Variants in CTNNBL1 observed in about 807,000 individuals in gnomAD.
CTNNBL1 encodes catenin beta like 1.
A neutral mutation model predicts 72.7 loss-of-function variants in CTNNBL1; 31 were observed. The ratio of observed to expected loss-of-function variants is 0.43; its 90% CI spans 0.32 to 0.58. The LOEUF (loss-of-function observed/expected upper bound fraction) is 0.58. Among genes scored for constraint, CTNNBL1 ranks in the 20% least tolerant of loss-of-function variants. The pLI is 0.08. For synonymous variants in CTNNBL1, 240 were observed against 267.3 expected (o/e 0.90, Z 1.00); for missense variants, 534 against 725.1 (o/e 0.74, Z 3.03).
chr20:37,835,016 T>G (rs1361808430), intron 11 of CTNNBL1, among the ~76,000 whole-genome samples: 1 of 152,246 alleles, frequency 6.6e-6, no homozygotes, highest in Non-Finnish European at 1.5e-5. Flanking sequence ...GGAACCTATT[T>G]GCAACATATT....
At chr20:37,758,033 CTA>C (rs1347681515) in intron 5 of CTNNBL1, among the ~76,000 whole-genome samples, 4 of 152,348 alleles carry the variant, frequency 2.6e-5, no homozygotes, top group East Asian at 1.9e-4. Context: ...CTCCTAGACT[CTA>C]TGTTTTCTGC....
At chr20:37,864,666 G>A (rs1436932408) in intron 15 of CTNNBL1, among the ~76,000 whole-genome samples, 2 of 152,212 alleles carry the variant, frequency 1.3e-5, no homozygotes, top group Non-Finnish European at 2.9e-5. Context: ...GTGGTCTGAG[G>A]ACTGAGACGG....
At chr20:37,695,284 A>C (rs1044726239) in intron 1 of CTNNBL1, among the ~76,000 whole-genome samples, 9 of 152,180 alleles carry the variant, frequency 5.9e-5, no homozygotes, top group African/African-American at 2.2e-4. Flanking sequence ...CATTGCTCAC[A>C]GTAGCCTTAA....
intron 10 of CTNNBL1, among the ~76,000 whole-genome samples, chr20:37,787,133 T>G (rs1453121868): frequency 6.6e-6 from 1 of 151,936 alleles, no homozygotes; most frequent in African/African-American, 2.4e-5. Flanking sequence ...CATTTTTTTT[T>G]TTTTTAAGAG....
chr20:37,761,486 A>G (rs1415979088), intron 5 of CTNNBL1, among the ~76,000 whole-genome samples: 1 of 152,184 alleles, frequency 6.6e-6, no homozygotes, highest in Non-Finnish European at 1.5e-5. Context: ...AAATTCCTGG[A>G]TTCTATTCCT....
At chr20:37,775,084 A>G (rs1211654812) in intron 7 of CTNNBL1, among the ~76,000 whole-genome samples, 1 of 152,182 alleles carries the variant, frequency 6.6e-6, no homozygotes, top group Non-Finnish European at 1.5e-5. Flanking sequence ...GCCAAAAAGT[A>G]CCTAATAGTC....
chr20:37,702,940 A>C (rs554462878), intron 1 of CTNNBL1, among the ~76,000 whole-genome samples: 1 of 152,176 alleles, frequency 6.6e-6, no homozygotes, highest in Non-Finnish European at 1.5e-5. Flanking sequence ...TTGTTCTACT[A>C]TCTTGTTAGC....
chr20:37,809,101 CA>C (rs2071986429), intron 11 of CTNNBL1, among the ~76,000 whole-genome samples: 1 of 152,044 alleles, frequency 6.6e-6, no homozygotes, highest in Admixed American at 6.6e-5. Flanking sequence ...CATGTCCTCT[CA>C]AAGTTACCAC....
At chr20:37,765,983 A>G (rs1428109873) in intron 6 of CTNNBL1, among the ~76,000 whole-genome samples, 1 of 152,208 alleles carries the variant, frequency 6.6e-6, no homozygotes, top group African/African-American at 2.4e-5. Flanking sequence ...CAGAGATGAC[A>G]TATCTGTAAA....
At chr20:37,782,672 A>G (rs1284804511) in intron 10 of CTNNBL1, among the ~76,000 whole-genome samples, 1 of 152,218 alleles carries the variant, frequency 6.6e-6, no homozygotes, top group African/African-American at 2.4e-5. Flanking sequence ...ACATGTAATC[A>G]ATATGACAAA....
rs2073142107 is a variant in CTNNBL1, at chr20:37,732,930, A to G, written c.82A>G (p.Met28Val). ...PRDDEEEEQK[M>V]RRKQTGTRER... ...GGATGATGAAGAGGAGGAGCAGAAG[A>G]TGCGTCGGAAACAAACTGGTACTCG... is the stretch of plus-strand genomic sequence containing the variant. The change falls in exon 2 of 16, where the codon ATG (methionine) becomes GTG (valine). Residue 28 changes from methionine to valine, a missense_variant. Transcript: ENST00000361383. The G allele has an allele frequency of 2.5e-6, 4 of 1,614,068 alleles. No homozygotes were observed. The highest frequency in any genetic ancestry group is 3.4e-6 in the Non-Finnish European group (4 of 1,180,024).
intron 5 of CTNNBL1, among the ~76,000 whole-genome samples, chr20:37,761,584 A>G (rs533497580): frequency 3.3e-5 from 5 of 152,354 alleles, no homozygotes; most frequent in Admixed American, 2.0e-4. Context: ...TGTTTATTGA[A>G]TGCTTGATGT....
intron 9 of CTNNBL1, among the ~76,000 whole-genome samples, chr20:37,778,509 A>G (rs1179584870): frequency 1.3e-5 from 2 of 152,128 alleles, no homozygotes; most frequent in Non-Finnish European, 2.9e-5. Flanking sequence ...GAGATTATTG[A>G]TCTTCTTGTA....
chr20:37,801,569 T>C (rs1488584742), intron 10 of CTNNBL1, among the ~76,000 whole-genome samples: 1 of 152,198 alleles, frequency 6.6e-6, no homozygotes, highest in Non-Finnish European at 1.5e-5. Context: ...GTTTATGTTT[T>C]TTAATTCTAT....
chr20:37,870,499 A>C (rs1350709351), intron 15 of CTNNBL1, among the ~76,000 whole-genome samples: 1 of 152,024 alleles, frequency 6.6e-6, no homozygotes, highest in African/African-American at 2.4e-5. Context: ...TGCAACATCC[A>C]TATCTCTTTC....
At chr20:37,708,672 A>G (rs2072911183) in intron 1 of CTNNBL1, among the ~76,000 whole-genome samples, 1 of 152,200 alleles carries the variant, frequency 6.6e-6, no homozygotes, top group African/African-American at 2.4e-5. Flanking sequence ...AATGGAAATT[A>G]GCTTTTCTTC....
intron 15 of CTNNBL1, among the ~76,000 whole-genome samples, chr20:37,867,552 G>A (rs1402945114): frequency 6.6e-6 from 1 of 152,156 alleles, no homozygotes; most frequent in African/African-American, 2.4e-5. Context: ...TATTATAAGA[G>A]CATTTGAAAA....
rs370837089 is a variant in CTNNBL1, at chr20:37,777,425, G to A, written c.823+8G>A. 19 of 1,612,218 alleles carry A rather than the reference G, an allele frequency of 1.2e-5. 1 individual carries two copies. In the South Asian group the frequency reaches 1.5e-4, roughly 13 times the overall value. The stretch of plus-strand genomic sequence containing the variant: ...TGCTCCAGGACAATGATGGTGAGGC[G>A]CCCTCTCAGTATTGATATTCTGTTA... On this transcript the variant is annotated splice_region_variant and intron_variant, in intron 8 of 15. Transcript: ENST00000361383.
chr20:37,806,990 A>G (rs1303528222), intron 11 of CTNNBL1, among the ~76,000 whole-genome samples: 1 of 152,072 alleles, frequency 6.6e-6, no homozygotes, highest in East Asian at 1.9e-4. Flanking sequence ...AGGGGCATCT[A>G]TTTTGGTCCC....
Sources: allele counts gnomAD v4.1 joint callset (sites outside exome capture counted in the v4.1 genomes callset), GRCh38; gene constraint gnomAD v4.1.1; transcripts MANE v1.5; gene names NCBI Gene and HGNC (gene_info 2026-07-23, HGNC 2026-07-21).